The following NCKAP5 variants were observed in gnomAD, a reference collection of about 807,000 sequenced individuals.
NCKAP5 encodes NCK associated protein 5.
Under a neutral mutation model 167.0 loss-of-function variants are expected in NCKAP5, and 92 were observed. The ratio of observed to expected loss-of-function variants is 0.55; its 90% CI spans 0.47 to 0.66. The LOEUF (loss-of-function observed/expected upper bound fraction) is 0.66, where lower values mean the gene tolerates loss of function less well. Ranked by LOEUF, NCKAP5 falls within the 30% of genes least tolerant of loss-of-function variation. NCKAP5 has a pLI of 0.00. For missense variants in NCKAP5, 2,378 were observed against 2,315.0 expected, an observed-to-expected ratio of 1.03 and a Z score of -0.56; for synonymous variants, 891 against 877.4, an observed-to-expected ratio of 1.02 and a Z score of -0.27.
chr2:133,183,600 C>T (rs2084824784), intron 5 of NCKAP5, among the ~76,000 whole-genome samples: 1 of 152,038 alleles, frequency 6.6e-6, no homozygotes, highest in African/African-American at 2.4e-5. Flanking sequence ...AAAAACCAAA[C>T]AAACAAACAC....
At chr2:132,688,902 A>C (rs1686331017) in intron 19 of NCKAP5, among the ~76,000 whole-genome samples, 1 of 147,676 alleles carries the variant, frequency 6.8e-6, no homozygotes, top group Admixed American at 6.9e-5. Flanking sequence ...GGGAGGATTG[A>C]TCAAGCCCAG....
chr2:133,560,594 T>C (rs1177200978), intron 1 of NCKAP5, among the ~76,000 whole-genome samples: 1 of 151,874 alleles, frequency 6.6e-6, no homozygotes, highest in East Asian at 1.9e-4. Flanking sequence ...TTTGGGTGAA[T>C]AAGAGGAGCT....
At chr2:133,297,342 T>G (rs1680040071) in intron 4 of NCKAP5, among the ~76,000 whole-genome samples, 1 of 152,178 alleles carries the variant, frequency 6.6e-6, no homozygotes, top group Admixed American at 6.5e-5. Context: ...TTAGGAAGGA[T>G]TTGTTGCTAT....
chr2:133,184,414 G>A (rs933591079), intron 5 of NCKAP5, among the ~76,000 whole-genome samples: 10 of 152,162 alleles, frequency 6.6e-5, no homozygotes, highest in Non-Finnish European at 1.0e-4. Flanking sequence ...TGTGAATAGT[G>A]CTGTGACTAA....
the NCKAP5 span, among the ~76,000 whole-genome samples, chr2:133,601,282 T>C: frequency 6.6e-6 from 1 of 152,216 alleles, no homozygotes; most frequent in Non-Finnish European, 1.5e-5. Context: ...AATGAATGAT[T>C]TATGAAACGT....
intron 6 of NCKAP5, among the ~76,000 whole-genome samples, chr2:133,085,310 T>C (rs1200643184): frequency 6.6e-6 from 1 of 152,212 alleles, no homozygotes; most frequent in Non-Finnish European, 1.5e-5. Flanking sequence ...TGATGCAGCA[T>C]TTAATAGAAT....
intron 11 of NCKAP5, among the ~76,000 whole-genome samples, chr2:132,846,112 G>A (rs550510791): frequency 1.3e-5 from 2 of 151,938 alleles, no homozygotes; most frequent in South Asian, 2.1e-4. Context: ...CGGCTCTTGC[G>A]TGTTTTTCTA....
intron 8 of NCKAP5, among the ~76,000 whole-genome samples, chr2:132,882,178 C>T (rs1352909525): frequency 6.6e-6 from 1 of 152,142 alleles, no homozygotes; most frequent in East Asian, 1.9e-4. Context: ...GACCATCTTG[C>T]TTTTTCCTTG....
intron 6 of NCKAP5, among the ~76,000 whole-genome samples, chr2:133,016,449 T>C (rs1374792339): frequency 6.6e-6 from 1 of 152,246 alleles, no homozygotes; most frequent in African/African-American, 2.4e-5. Flanking sequence ...AAACAAATCT[T>C]TACAGGCCTT....
At chr2:132,700,332 G>T (rs1276855622) in intron 19 of NCKAP5, among the ~76,000 whole-genome samples, 1 of 151,858 alleles carries the variant, frequency 6.6e-6, no homozygotes, top group East Asian at 1.9e-4. Context: ...AGTTTAATTA[G>T]ATCCCATTTG....
chr2:132,755,830 C>CAAA (rs113836542), intron 16 of NCKAP5, among the ~76,000 whole-genome samples: 110 of 137,730 alleles, frequency 8.0e-4, no homozygotes, highest in African/African-American at 2.9e-3. Context: ...GATTCTGTCT[C>CAAA]AGAAAAAAAA....
At chr2:133,419,273 A>C (rs1399138971) in intron 3 of NCKAP5, among the ~76,000 whole-genome samples, 1 of 152,188 alleles carries the variant, frequency 6.6e-6, no homozygotes, top group East Asian at 1.9e-4. Flanking sequence ...ACAAAGAGTA[A>C]TGGAATTAGT....
chr2:133,466,535 A>G (rs1692603993), intron 3 of NCKAP5, among the ~76,000 whole-genome samples: 1 of 151,378 alleles, frequency 6.6e-6, no homozygotes, highest in Admixed American at 6.6e-5. Flanking sequence ...AGTTTTTTCC[A>G]ATTCTGTGAA....
intron 8 of NCKAP5, chr2:132,930,180 T>A (rs529332453): frequency 6.6e-6 from 1 of 152,208 alleles, no homozygotes; most frequent in Non-Finnish European, 1.5e-5. Context: ...AGGACGACCC[T>A]GTTGCAGTAC....
chr2:132,906,558 T>C (rs983393891), intron 8 of NCKAP5, among the ~76,000 whole-genome samples: 1 of 152,124 alleles, frequency 6.6e-6, no homozygotes, highest in African/African-American at 2.4e-5. Context: ...TGAGGTCTTC[T>C]GGGGAGATTA....
the NCKAP5 span, among the ~76,000 whole-genome samples, chr2:133,643,944 T>C: frequency 5.9e-5 from 9 of 152,302 alleles, no homozygotes; most frequent in Non-Finnish European, 1.2e-4. Flanking sequence ...CAACTCCAAC[T>C]TGTCTCTTAG....
At chr2:133,486,424 C>A (rs1316068310) in intron 3 of NCKAP5, among the ~76,000 whole-genome samples, 1 of 152,174 alleles carries the variant, frequency 6.6e-6, no homozygotes, top group African/African-American at 2.4e-5. Context: ...GGGATGAAAT[C>A]TCAAACCCCC....
intron 5 of NCKAP5, among the ~76,000 whole-genome samples, chr2:133,195,618 T>C (rs557461480): frequency 1.8e-4 from 27 of 152,240 alleles, no homozygotes; most frequent in Non-Finnish European, 2.9e-4. Context: ...GAAATCAAGA[T>C]AATTACACTT....
the NCKAP5 span, among the ~76,000 whole-genome samples, chr2:133,625,875 A>C: frequency 6.6e-6 from 1 of 151,582 alleles, no homozygotes; most frequent in African/African-American, 2.4e-5. Flanking sequence ...TGTCTCAAAA[A>C]AAAAAAAAAA....
Sources: gnomAD v4.1 joint callset for allele counts (sites outside exome capture counted in the v4.1 genomes callset) on GRCh38, gnomAD v4.1.1 for gene constraint, MANE v1.5 for transcripts, NCBI Gene and HGNC (gene_info 2026-07-23, HGNC 2026-07-21) for gene names.